STARD13: variants seen among roughly 807,000 people sequenced by gnomAD.
The protein encoded by STARD13 is StAR related lipid transfer domain containing 13.
In STARD13, 62 loss-of-function variants were observed where a neutral mutation model predicts 106.4. The observed-to-expected ratio is 0.58, with a 90% confidence interval of 0.48 to 0.72. The LOEUF is 0.72. Ranked by LOEUF, STARD13 falls within the 30% of genes least tolerant of loss-of-function variation. The pLI is 0.00. For synonymous variants in STARD13, 565 were observed against 553.0 expected, an observed-to-expected ratio of 1.02 and a Z score of -0.31; for missense variants, 1,387 against 1,424.0, an observed-to-expected ratio of 0.97 and a Z score of 0.42.
At chr13:33,663,916 C>T in the STARD13 span, among the ~76,000 whole-genome samples, 2 of 152,200 alleles carry the variant, frequency 1.3e-5, no homozygotes, top group African/African-American at 4.8e-5. Context: ...GGCACCGTTC[C>T]TCCGACTCTT....
At chr13:33,440,039 C>T in the STARD13 span, among the ~76,000 whole-genome samples, 11,839 of 152,154 alleles carry the variant, frequency 0.078, 625 homozygotes, top group East Asian at 0.21. Context: ...ATTCAGCAGG[C>T]CTAGGTGGGA....
chr13:33,195,484 C>T (rs1395170218), intron 1 of STARD13, among the ~76,000 whole-genome samples: 1 of 152,184 alleles, frequency 6.6e-6, no homozygotes, highest in African/African-American at 2.4e-5. Flanking sequence ...ATCAGTAAGC[C>T]TGTGTGGTGT....
chr13:33,571,266 A>G, the STARD13 span, among the ~76,000 whole-genome samples: 36 of 152,186 alleles, frequency 2.4e-4, no homozygotes, highest in African/African-American at 8.4e-4. Flanking sequence ...ATTATAATTC[A>G]TGTTGTGCCC....
In STARD13 at chr13:33,111,039, T is replaced by C. The variant is rs533544810; in HGVS notation, c.2608-132A>G. 8 of 724,038 alleles carry C rather than the reference T, an allele frequency of 1.1e-5. No individual in the cohort carries two copies. In the South Asian group the frequency reaches 1.3e-4, roughly 11 times the overall value. 44.9% of individuals were successfully genotyped at this position (724,038 alleles called of 1,614,324 possible). A position where few individuals can be genotyped will look rare whatever the true frequency, so the allele number is the denominator to read the frequency against. ...GAGGGCCACACGGCCAGAGATGTTT[T>C]TCTAAGATCATTGCCAAGGCCGGGA... is the stretch of plus-strand genomic sequence containing the variant. On this transcript the variant is annotated intron_variant, in intron 10 of 13. Transcript: ENST00000336934.
chr13:33,270,176 C>T (rs1177923970), intron 1 of STARD13, among the ~76,000 whole-genome samples: 3 of 152,082 alleles, frequency 2.0e-5, no homozygotes, highest in South Asian at 2.1e-4. Flanking sequence ...GCAGAGGTTG[C>T]GGTGAGCTGA....
At chr13:33,499,594 CTTCTTCTTCTTTCTT>C in the STARD13 span, among the ~76,000 whole-genome samples, 7 of 60,856 alleles carry the variant, frequency 1.2e-4, no homozygotes, top group African/African-American at 2.4e-4. Context: ...TCTTCTTCTT[CTTCTTCTTCTTTCTT>C]CTTCTTCTTC....
chr13:33,469,404 G>A, the STARD13 span, among the ~76,000 whole-genome samples: 3 of 152,044 alleles, frequency 2.0e-5, no homozygotes, highest in East Asian at 5.8e-4. Context: ...CTTTAGATTC[G>A]CTTGAGAGAT....
the STARD13 span, among the ~76,000 whole-genome samples, chr13:33,627,284 A>G: frequency 1.3e-5 from 2 of 152,202 alleles, no homozygotes; most frequent in East Asian, 3.9e-4. Flanking sequence ...AACTGTCTTC[A>G]ACATCCAGGT....
the STARD13 span, among the ~76,000 whole-genome samples, chr13:33,583,978 G>A: frequency 1.3e-5 from 2 of 151,860 alleles, no homozygotes; most frequent in African/African-American, 4.8e-5. Context: ...TAGGGCATAT[G>A]CCCAGAAATG....
Position 33,106,942 on chromosome 13 carries a change from A to T in STARD13, c.3048-8T>A. 6.2e-7 allele frequency: 1 copy of T among 1,609,780 alleles called. No homozygotes were observed. The highest frequency in any genetic ancestry group is 8.5e-7 in the Non-Finnish European group (1 of 1,177,370). ...AAATCAGTTTTCCAGGTCCTGTAGC[A>T]AAACAATCCGCACATCAGAGTCATG... On this transcript the variant is annotated splice_polypyrimidine_tract_variant and splice_region_variant and intron_variant, in intron 12 of 13. Transcript: ENST00000336934.
chr13:33,628,148 AACACACACACACACACAC>A, the STARD13 span, among the ~76,000 whole-genome samples: 2 of 133,396 alleles, frequency 1.5e-5, no homozygotes, highest in Non-Finnish European at 3.1e-5. Flanking sequence ...TCTCTTGTAA[AACACACACACACACACAC>A]ACACACACAC....
chr13:33,344,324 T>A (rs888330246), downstream of STARD13, among the ~76,000 whole-genome samples: 1 of 152,312 alleles, frequency 6.6e-6, no homozygotes, highest in East Asian at 1.9e-4. Context: ...TTAATATAAA[T>A]AGCATCTAAA....
the STARD13 span, among the ~76,000 whole-genome samples, chr13:33,512,894 C>A: frequency 6.6e-6 from 1 of 152,146 alleles, no homozygotes; most frequent in South Asian, 2.1e-4. Flanking sequence ...GAAACCAACC[C>A]TGTGCATATC....
the STARD13 span, among the ~76,000 whole-genome samples, chr13:33,415,521 AC>A: frequency 6.6e-6 from 1 of 152,164 alleles, no homozygotes; most frequent in Non-Finnish European, 1.5e-5. Context: ...AATTCTTAGG[AC>A]ATCAATTAAA....
At chr13:33,622,614 CAAAAA>C in the STARD13 span, among the ~76,000 whole-genome samples, 5 of 28,184 alleles carry the variant, frequency 1.8e-4, no homozygotes, top group Non-Finnish European at 2.1e-4. Flanking sequence ...GACTCCGTCT[CAAAAA>C]AAAAAAAAAA....
the STARD13 span, among the ~76,000 whole-genome samples, chr13:33,564,116 G>A: frequency 2.8e-5 from 4 of 144,030 alleles, no homozygotes; most frequent in South Asian, 8.8e-4. Context: ...ACTTGAACCC[G>A]GGAATTGCTT....
chr13:33,176,461 G>A (rs77204535), intron 1 of STARD13, among the ~76,000 whole-genome samples: 77 of 152,236 alleles, frequency 5.1e-4, no homozygotes, highest in Non-Finnish European at 5.1e-4. Flanking sequence ...AAATGAAATT[G>A]TTACTAGGTT....
intron 6 of STARD13, 92 bp from the exon 7 acceptor site, chr13:33,126,332 G>T (rs1403736348): frequency 1.6e-6 from 2 of 1,246,186 alleles, no homozygotes; most frequent in Non-Finnish European, 2.3e-6. Flanking sequence ...CCAGGCTTTT[G>T]TTGGAATACC....
rs539039932 is a variant in STARD13 at position 33,129,291 on chromosome 13, G to A, written c.1386C>T (p.Val462=). Residue 462 remains valine (V), a synonymous_variant, in exon 5 of 14, where the codon GTC becomes GTT. Coordinates refer to ENST00000336934, the MANE Select transcript of STARD13 (RefSeq NM_178006.4). ...RASRVSIYDN[V]PGSHLYASTG... is the part of the protein sequence containing the mutation. ...TGCTGGCATACAGATGGGAGCCAGGGACATTGTCATAGATACTGACTCGGC... is the reference window on the plus strand; with the variant it reads ...TGCTGGCATACAGATGGGAGCCAGGAACATTGTCATAGATACTGACTCGGC... 8 of 1,614,126 alleles carry A rather than the reference G, an allele frequency of 5.0e-6. No homozygotes were observed. The highest frequency in any genetic ancestry group is 1.7e-5 in the Admixed American group (1 of 60,030).
Sources: gnomAD v4.1 joint callset for allele counts (sites outside exome capture counted in the v4.1 genomes callset) on GRCh38, gnomAD v4.1.1 for gene constraint, MANE v1.5 for transcripts, NCBI Gene and HGNC (gene_info 2026-07-23, HGNC 2026-07-21) for gene names.